Variants in SLC25A22 observed in about 807,000 individuals in gnomAD.
The protein encoded by SLC25A22 is solute carrier family 25 member 22, also known as mitochondrial glutamate carrier 1.
In SLC25A22, 23 loss-of-function variants were observed where a neutral mutation model predicts 33.7. That is an observed-to-expected ratio of 0.68 (90% CI 0.49 to 0.97). The LOEUF (loss-of-function observed/expected upper bound fraction) is 0.97, where lower values mean the gene tolerates loss of function less well. SLC25A22 is among the 50% of genes least tolerant of loss of function. The pLI, the probability that SLC25A22 is intolerant of heterozygous loss-of-function variation, is 0.00. For missense variants in SLC25A22, 390 were observed against 451.1 expected, an observed-to-expected ratio of 0.86 and a Z score of 1.23; for synonymous variants, 245 against 203.8, an observed-to-expected ratio of 1.20 and a Z score of -1.72.
intron 1 of SLC25A22, among the ~76,000 whole-genome samples, chr11:796,650 T>C (rs1472043451): frequency 6.6e-6 from 1 of 152,150 alleles, no homozygotes; most frequent in Non-Finnish European, 1.5e-5. Context: ...CTCGTGTCTG[T>C]GGGATGTGTG....
Position 791,979 on chromosome 11 carries a change from T to TGTGCGATGCCGAAAAGGG in SLC25A22, c.890_907dup (p.Pro297_Ala302dup). 1 of 1,609,244 alleles carries TGTGCGATGCCGAAAAGGG rather than the reference T, an allele frequency of 6.2e-7. No homozygotes were observed. Among genetic ancestry groups the TGTGCGATGCCGAAAAGGG allele is most frequent in the East Asian group, 2.2e-5 (1 of 44,826 alleles). On this transcript the variant is annotated inframe_insertion, in exon 10 of 10. Coordinates refer to ENST00000628067, the MANE Select transcript of SLC25A22 (RefSeq NM_001191061.2). ...CGCGATGCCCAGGAAGTAGACCACC[T>TGTGCGATGCCGAAAAGGG]GTGCGATGCCGAAAAGGGGCGCGAT... is the stretch of plus-strand genomic sequence containing the variant.
At chr11:793,266 C>T (rs1202614094) in intron 5 of SLC25A22, among the ~76,000 whole-genome samples, 3 of 152,212 alleles carry the variant, frequency 2.0e-5, no homozygotes, top group African/African-American at 7.2e-5. Context: ...AAAGGGGCTG[C>T]CCTTGCAGTC....
intron 7 of SLC25A22, 32 bp from the exon 8 acceptor site, chr11:792,490 A>T (rs566400418): frequency 1.9e-6 from 3 of 1,609,716 alleles, no homozygotes; most frequent in African/African-American, 2.7e-5. Flanking sequence ...TGGGGACAGG[A>T]GGTGGTGGGG....
At chr11:795,326 A>G in intron 1 of SLC25A22, 157 bp from the exon 2 acceptor site, 1 of 499,814 alleles carries the variant, frequency 2.0e-6, no homozygotes, top group Non-Finnish European at 3.6e-6. Context: ...CCTGCCACCC[A>G]GTCCCATGCT....
At chr11:796,132 G>C (rs530897538) in intron 1 of SLC25A22, 1 of 152,974 alleles carries the variant, frequency 6.5e-6, no homozygotes, top group South Asian at 2.0e-4. Flanking sequence ...TCCAGGGCTG[G>C]GCCATCCACC....
chr11:793,324 A>G (rs1414105422), intron 5 of SLC25A22, among the ~76,000 whole-genome samples: 1 of 152,166 alleles, frequency 6.6e-6, no homozygotes, highest in Non-Finnish European at 1.5e-5. Context: ...GCCAAGGGCT[A>G]CCAAGCCAGA....
In SLC25A22 at chr11:791,903, C is replaced by G; in HGVS notation, c.*12G>C. On this transcript the variant is annotated 3_prime_UTR_variant, in exon 10 of 10. Coordinates refer to ENST00000628067, the MANE Select transcript of SLC25A22 (RefSeq NM_001191061.2). ...CCCTGCCCAGCTGGCTGGGGTGGAG[C>G]GGGTGCTGGGCTCAGGCCTGGGGGT... The G allele has an allele frequency of 6.3e-7, 1 of 1,585,324 alleles. No homozygotes were observed. The highest frequency in any genetic ancestry group is 1.1e-5 in the South Asian group (1 of 88,792).
rs1026535744 is a variant in SLC25A22, at chr11:794,973, G to C, written c.20+14C>G. 6.4e-7 allele frequency: 1 copy of C among 1,561,210 alleles called. No homozygotes were observed. The highest frequency in any genetic ancestry group is 1.2e-5 in the South Asian group (1 of 84,726). On this transcript the variant is annotated intron_variant, in intron 2 of 9. Transcript: ENST00000628067. The stretch of plus-strand genomic sequence containing the variant: ...GGGTGGGGGTGAGGCACGCAGCCAG[G>C]ACTGGAGTCTGACCTGATCTGCTTA...
Position 792,229 on chromosome 11 carries a change from G to T in SLC25A22, c.743-12C>A, listed in dbSNP as rs200517971. ...CCGCGTCTTCACCACTGCAAGGGGC[G>T]CTCGGGTCAGTGTGAGCCTGGCCAA... On this transcript the variant is annotated splice_polypyrimidine_tract_variant and intron_variant, in intron 8 of 9. Transcript: ENST00000628067. The T allele has an allele frequency of 1.2e-6, 2 of 1,612,956 alleles. No individual in the cohort carries two copies. Among genetic ancestry groups the T allele is most frequent in the East Asian group, 2.2e-5 (1 of 44,878 alleles).
At chr11:796,901 C>T (rs1864853368) in intron 1 of SLC25A22, among the ~76,000 whole-genome samples, 2 of 152,214 alleles carry the variant, frequency 1.3e-5, no homozygotes, top group Non-Finnish European at 2.9e-5. Flanking sequence ...GTGGTGGTGA[C>T]AAGCTGACCT....
chr11:795,888 A>G (rs1176048160), intron 1 of SLC25A22, among the ~76,000 whole-genome samples: 2 of 152,076 alleles, frequency 1.3e-5, no homozygotes, highest in Non-Finnish European at 2.9e-5. Context: ...CATCCACTAC[A>G]GAGGAGGAGA....
chr11:794,066 G>T (rs1161253545), intron 4 of SLC25A22: 4 of 506,638 alleles, frequency 7.9e-6, no homozygotes, highest in Non-Finnish European at 1.5e-5. Flanking sequence ...CTCAGGGCTG[G>T]AGAGCTTCTG....
rs998075306 is a variant in SLC25A22 at position 791,658 on chromosome 11, G to A, written c.*257C>T. 7.1e-6 allele frequency: 4 copies of A among 560,712 alleles called. No individual in the cohort carries two copies. Among genetic ancestry groups the A allele is most frequent in the Non-Finnish European group, 1.3e-5 (4 of 317,376 alleles). The allele number at this position is 560,712 out of a possible 1,614,324, so 34.7% of individuals were successfully genotyped here. On this transcript the variant is annotated 3_prime_UTR_variant, in exon 10 of 10. Transcript: ENST00000628067. ...GGGGTGTTCAGGCCAGGGCAGGATT[G>A]GGGCAGGGGCTAGCTTGAGGAATGT...
rs748624881 is a variant in SLC25A22 at position 792,235 on chromosome 11, G to A, written c.743-18C>T. The A allele has an allele frequency of 5.0e-6, 8 of 1,612,992 alleles. No individual in the cohort carries two copies. Among genetic ancestry groups the A allele is most frequent in the Middle Eastern group, 1.6e-4 (1 of 6,062 alleles). On this transcript the variant is annotated intron_variant, in intron 8 of 9. Transcript: ENST00000628067. The stretch of plus-strand genomic sequence containing the variant: ...CTTCACCACTGCAAGGGGCGCTCGG[G>A]TCAGTGTGAGCCTGGCCAAGGGCTC...
In SLC25A22 at chr11:793,447, G is replaced by A. The variant is rs1027123559; in HGVS notation, c.293+82C>T. 8.0e-6 allele frequency: 11 copies of A among 1,374,584 alleles called. No individual in the cohort carries two copies. In the African/African-American group the frequency reaches 1.1e-4, roughly 14 times the overall value. 85.1% of individuals were successfully genotyped at this position (1,374,584 alleles called of 1,614,324 possible). On this transcript the variant is annotated intron_variant, in intron 5 of 9. Coordinates refer to ENST00000628067, the MANE Select transcript of SLC25A22 (RefSeq NM_001191061.2). The stretch of plus-strand genomic sequence containing the variant: ...GGGCTGAAGACAGGCAGAGCCCCCA[G>A]GTGGGACCCAGCTGGCAGGGTGGAC...
In SLC25A22 at chr11:792,290, TC is replaced by T. The variant is rs1199829330; in HGVS notation, c.742+13del. The T allele has an allele frequency of 6.2e-7, 1 of 1,613,062 alleles. No homozygotes were observed. The highest frequency in any genetic ancestry group is 1.1e-5 in the South Asian group (1 of 91,082). On this transcript the variant is annotated intron_variant, in intron 8 of 9. Transcript: ENST00000628067. Reference sequence around the variant, plus strand: ...CCGCCCCATCCCCAGCCGGGCGCCATCCCATGCACTGACCATCACAGGGGTT... The same window carrying T: ...CCGCCCCATCCCCAGCCGGGCGCCATCCATGCACTGACCATCACAGGGGTT...
At chr11:793,854 A>T in intron 4 of SLC25A22, 1 of 585,868 alleles carries the variant, frequency 1.7e-6, no homozygotes, top group Non-Finnish European at 3.1e-6. Flanking sequence ...TCTGTCTCTG[A>T]TTCTGGGCAG....
chr11:792,655 G>C lies in SLC25A22; in HGVS notation c.485C>G (p.Ala162Gly). 1.3e-6 allele frequency: 2 copies of C among 1,575,300 alleles called. No individual in the cohort carries two copies. Among genetic ancestry groups the C allele is most frequent in the Non-Finnish European group, 1.7e-6 (2 of 1,162,536 alleles). ...GGCCGTGGGCCGAGGGGCAGCTGGA[G>C]CCTCCACTGAGGGCTGGGCACCCCC... is the stretch of plus-strand genomic sequence containing the variant. ...AQGGAQPSVE[A>G]PAAPRPTATQ... Residue 162 changes from alanine to glycine, a missense_variant, in exon 7 of 10, where the codon GCT becomes GGT. Ala to Gly is a moderately conservative substitution (Grantham distance 60). Transcript: ENST00000628067.
In SLC25A22 at chr11:792,730, G is replaced by A. The variant is rs2133702173; in HGVS notation, c.413-3C>T. The A allele has an allele frequency of 5.8e-6, 9 of 1,545,980 alleles. No individual in the cohort carries two copies. The East Asian group carries it at 2.2e-4, about 37-fold the overall frequency. On this transcript the variant is annotated splice_polypyrimidine_tract_variant and splice_region_variant and intron_variant, in intron 6 of 9. Coordinates refer to ENST00000628067, the MANE Select transcript of SLC25A22 (RefSeq NM_001191061.2). ...AGCCAGGATCTTCCTCTGGGCGGCT[G>A]GGGACAAAGAGGCTGCTGTCTCCTC...
Sources: allele counts gnomAD v4.1 joint callset (sites outside exome capture counted in the v4.1 genomes callset), GRCh38; gene constraint gnomAD v4.1.1; transcripts MANE v1.5; gene names NCBI Gene and HGNC (gene_info 2026-07-23, HGNC 2026-07-21).